Variants in PRKCA observed in about 807,000 individuals in gnomAD.
The protein encoded by PRKCA is protein kinase C alpha.
A neutral mutation model predicts 87.0 loss-of-function variants in PRKCA; 27 were observed. The ratio of observed to expected loss-of-function variants is 0.31; its 90% CI spans 0.23 to 0.43. The LOEUF is 0.43. PRKCA is among the 20% of genes least tolerant of loss of function. The pLI is 1.00. For synonymous variants in PRKCA, 329 were observed against 311.1 expected (o/e 1.06, Z -0.61); for missense variants, 518 against 852.3 (o/e 0.61, Z 4.88).
At chr17:66,396,827 T>C (rs1361861616) in intron 2 of PRKCA, among the ~76,000 whole-genome samples, 1 of 151,798 alleles carries the variant, frequency 6.6e-6, no homozygotes, top group African/African-American at 2.4e-5. Flanking sequence ...TCACCCTCTA[T>C]TGTTGTTTTT....
intron 2 of PRKCA, among the ~76,000 whole-genome samples, chr17:66,399,926 C>T (rs1380066649): frequency 6.6e-6 from 1 of 152,082 alleles, no homozygotes; most frequent in Non-Finnish European, 1.5e-5. Flanking sequence ...CATAATTCTT[C>T]CAGGTTGAGC....
At chr17:66,592,370 T>C (rs1450321694) in intron 3 of PRKCA, among the ~76,000 whole-genome samples, 1 of 113,902 alleles carries the variant, frequency 8.8e-6, no homozygotes, top group African/African-American at 3.9e-5. Context: ...AAGTTACCAT[T>C]GGCCAAATCA....
intron 3 of PRKCA, among the ~76,000 whole-genome samples, chr17:66,514,491 G>A (rs1966898058): frequency 6.6e-6 from 1 of 152,102 alleles, no homozygotes; most frequent in South Asian, 2.1e-4. Context: ...ACCTGACTAA[G>A]CAGCGACTTG....
chr17:66,427,851 C>T (rs1359640337), intron 2 of PRKCA, among the ~76,000 whole-genome samples: 3 of 152,112 alleles, frequency 2.0e-5, no homozygotes, highest in South Asian at 2.1e-4. Flanking sequence ...GATATTTCAC[C>T]TGAGAACCTA....
intron 8 of PRKCA, among the ~76,000 whole-genome samples, chr17:66,692,350 T>C (rs555890803): frequency 6.6e-6 from 1 of 152,350 alleles, no homozygotes; most frequent in East Asian, 1.9e-4. Context: ...CACTAGAGGA[T>C]GGCGTCAAAA....
chr17:66,526,275 G>A (rs530688307), intron 3 of PRKCA, among the ~76,000 whole-genome samples: 20 of 152,160 alleles, frequency 1.3e-4, no homozygotes, highest in Non-Finnish European at 2.8e-4. Flanking sequence ...AAGTGGTTTG[G>A]TTTATGATTA....
intron 3 of PRKCA, among the ~76,000 whole-genome samples, chr17:66,497,496 CAA>C (rs773923259): frequency 4.5e-5 from 5 of 112,092 alleles, no homozygotes; most frequent in East Asian, 2.5e-4. Flanking sequence ...AACTCCGTCT[CAA>C]AAAAAAAAAA....
intron 2 of PRKCA, among the ~76,000 whole-genome samples, chr17:66,371,899 G>C (rs1182757373): frequency 6.6e-6 from 1 of 152,156 alleles, no homozygotes; most frequent in African/African-American, 2.4e-5. Flanking sequence ...CGTATTATAG[G>C]CGTCTCATAT....
intron 2 of PRKCA, among the ~76,000 whole-genome samples, chr17:66,323,964 G>A (rs374502148): frequency 1.8e-4 from 28 of 152,020 alleles, no homozygotes; most frequent in South Asian, 6.2e-4. Context: ...TAATCAAATC[G>A]TTATAGCCAT....
At chr17:66,503,960 A>C (rs1243672758) in intron 3 of PRKCA, among the ~76,000 whole-genome samples, 2 of 152,212 alleles carry the variant, frequency 1.3e-5, no homozygotes, top group Non-Finnish European at 2.9e-5. Context: ...TTAGATTTGC[A>C]TGAGGTACAG....
chr17:66,664,859 C>T (rs974757289), intron 5 of PRKCA, among the ~76,000 whole-genome samples: 6 of 151,922 alleles, frequency 3.9e-5, no homozygotes, highest in African/African-American at 1.5e-4. Context: ...AGGCTGGTCT[C>T]ACACTCCTGG....
chr17:66,781,214 G>C (rs1975201335), intron 14 of PRKCA, among the ~76,000 whole-genome samples: 1 of 152,230 alleles, frequency 6.6e-6, no homozygotes, highest in South Asian at 2.1e-4. Flanking sequence ...GGCTCAGTAG[G>C]ATTGTACTTC....
At chr17:66,365,646 G>A (rs1431162805) in intron 2 of PRKCA, among the ~76,000 whole-genome samples, 2 of 151,966 alleles carry the variant, frequency 1.3e-5, no homozygotes, top group South Asian at 2.1e-4. Context: ...AATCCTAAAC[G>A]CTCAATAAAT....
chr17:66,698,509 C>A (rs1972983859), intron 8 of PRKCA, among the ~76,000 whole-genome samples: 1 of 152,000 alleles, frequency 6.6e-6, no homozygotes, highest in East Asian at 1.9e-4. Flanking sequence ...AAGAAAGAAT[C>A]CATGAACTTA....
intron 3 of PRKCA, among the ~76,000 whole-genome samples, chr17:66,580,688 G>A (rs904275110): frequency 4.6e-5 from 7 of 152,160 alleles, no homozygotes; most frequent in Admixed American, 4.6e-4. Context: ...GGTAAAGTGG[G>A]TTTTCGCCAA....
chr17:66,487,527 A>G (rs1916035793), intron 2 of PRKCA, among the ~76,000 whole-genome samples: 1 of 152,048 alleles, frequency 6.6e-6, no homozygotes, highest in Non-Finnish European at 1.5e-5. Context: ...CTTCTTTCTG[A>G]TGTATACGCA....
intron 4 of PRKCA, 149 bp downstream of exon 4, chr17:66,641,615 T>A (rs1393177843): frequency 6.4e-6 from 3 of 470,972 alleles, no homozygotes; most frequent in Non-Finnish European, 1.1e-5. Flanking sequence ...AAAGTGTAGA[T>A]TCTTCCACTG....
chr17:66,673,893 T>A (rs1464913945), intron 5 of PRKCA, among the ~76,000 whole-genome samples: 1 of 152,260 alleles, frequency 6.6e-6, no homozygotes, highest in African/African-American at 2.4e-5. Flanking sequence ...ACAGAGATTC[T>A]TTCTTCAAAG....
At chr17:66,638,529 A>T (rs1303988625) in intron 3 of PRKCA, among the ~76,000 whole-genome samples, 1 of 152,172 alleles carries the variant, frequency 6.6e-6, no homozygotes, top group Admixed American at 6.5e-5. Flanking sequence ...ACTATTCTTT[A>T]TACTTCTCTG....
Sources: allele counts gnomAD v4.1 joint callset (sites outside exome capture counted in the v4.1 genomes callset), GRCh38; gene constraint gnomAD v4.1.1; transcripts MANE v1.5; gene names NCBI Gene and HGNC (gene_info 2026-07-23, HGNC 2026-07-21).